The following DDX43 variants were observed in gnomAD, a reference collection of about 807,000 sequenced individuals.
The protein encoded by DDX43 is DEAD-box helicase 43.
A neutral mutation model predicts 84.9 loss-of-function variants in DDX43; 50 were observed. That is an observed-to-expected ratio of 0.59 (90% confidence interval 0.47 to 0.75). The LOEUF is 0.75. Ranked by LOEUF, DDX43 falls within the 30% of genes least tolerant of loss-of-function variation. The pLI is 0.00. For missense variants in DDX43, 689 were observed against 798.6 expected (o/e 0.86, Z 1.65); for synonymous variants, 291 against 266.3 (o/e 1.09, Z -0.90).
In DDX43 at chr6:73,394,975, T is replaced by C; in HGVS notation, c.70T>C (p.Ser24Pro). Residue 24 changes from serine (S) to proline (P), a missense_variant, in exon 1 of 17, where the codon TCC becomes CCC. Around this residue, in one of 2 missense-constraint regions of DDX43, gnomAD observed 137 missense variants for 105.9 expected, o/e 1.29. Transcript: ENST00000370336. ...VVASRRSSTV[S>P]RAPERRPAEE... ...TGCTAGTCGGCGAAGCTCGACAGTG[T>C]CCCGAGCGCCAGAGAGGAGGCCGGC... 1 of 1,614,230 alleles carries C rather than the reference T, an allele frequency of 6.2e-7. No homozygotes were observed.
chr6:73,403,633 C>G (rs961083127), intron 4 of DDX43, among the ~76,000 whole-genome samples: 2 of 152,062 alleles, frequency 1.3e-5, no homozygotes, highest in Admixed American at 6.6e-5. Context: ...TGATGTCTTA[C>G]AAAGCATGCT....
chr6:73,398,287 T>C (rs2150788267), intron 2 of DDX43, among the ~76,000 whole-genome samples: 1 of 152,284 alleles, frequency 6.6e-6, no homozygotes, highest in Admixed American at 6.5e-5. Context: ...AGTCTCACTC[T>C]GTCGCCCAGG....
intron 8 of DDX43, 128 bp downstream of exon 8, chr6:73,407,743 G>C (rs1769710457): frequency 3.7e-6 from 3 of 803,004 alleles, no homozygotes; most frequent in Admixed American, 5.0e-5. Context: ...CAGGCATTTA[G>C]CACTACTCTA....
rs2150803560 is a variant in DDX43 at position 73,415,536 on chromosome 6, T to C, written c.1785T>C (p.Asp595=). 2.5e-6 allele frequency: 4 copies of C among 1,613,596 alleles called. No homozygotes were observed. Among genetic ancestry groups the C allele is most frequent in the South Asian group, 2.2e-5 (2 of 91,052 alleles). The change falls in exon 15 of 17, where the codon GAT becomes GAC. Residue 595 remains aspartate, a synonymous_variant. Transcript: ENST00000370336. ...CCATTACAACTTTGACTAGAAATGA[T>C]TGGAGGGTTGCCTCTGAATTGATTA... ...GVSITTLTRN[D]WRVASELINI... is the part of the protein sequence containing the mutation.
intron 5 of DDX43, among the ~76,000 whole-genome samples, chr6:73,405,138 G>A (rs1212326991): frequency 2.0e-5 from 3 of 151,332 alleles, no homozygotes; most frequent in African/African-American, 4.9e-5. Flanking sequence ...ATCTAATCTT[G>A]TTAATTTCTT....
At chr6:73,401,767 A>G in intron 3 of DDX43, 92 bp from the exon 4 acceptor site, 1 of 1,246,052 alleles carries the variant, frequency 8.0e-7, no homozygotes, top group South Asian at 1.5e-5. Context: ...GCGCCACTGC[A>G]CTCCAGCCTG....
At chr6:73,414,511 C>T (rs763281000) in intron 13 of DDX43, 37 bp from the exon 14 acceptor site, 38 of 1,567,228 alleles carry the variant, frequency 2.4e-5, no homozygotes, top group Non-Finnish European at 3.1e-5. Context: ...TGGTTTATAC[C>T]AGAATGGTTC....
rs912993663 is a variant in DDX43 at position 73,397,745 on chromosome 6, G to T, written c.306+1G>T. On this transcript the variant is annotated splice_donor_variant, in intron 2 of 16. Transcript: ENST00000370336. LOFTEE classifies it high-confidence loss of function. Reference sequence around the variant, plus strand: ...AAGTACAACAAACACCACAATCCAAGTAAGCCATCTGTGTTTTTCGGCCCT... The same window carrying T: ...AAGTACAACAAACACCACAATCCAATTAAGCCATCTGTGTTTTTCGGCCCT... The T allele has an allele frequency of 6.2e-7, 1 of 1,613,498 alleles. No individual in the cohort carries two copies. The highest frequency in any genetic ancestry group is 1.3e-5 in the African/African-American group (1 of 74,886).
Position 73,394,976 on chromosome 6 carries a change from C to G in DDX43, c.71C>G (p.Ser24Cys), listed in dbSNP as rs1440659194. The G allele has an allele frequency of 1.9e-6, 3 of 1,614,146 alleles. No individual in the cohort carries two copies. In the African/African-American group the frequency reaches 4.0e-5, roughly 22 times the overall value. ...GCTAGTCGGCGAAGCTCGACAGTGT[C>G]CCGAGCGCCAGAGAGGAGGCCGGCG... ...VVASRRSSTV[S>C]RAPERRPAEE... Residue 24 changes from serine (S) to cysteine (C), a missense_variant, in exon 1 of 17, where the codon TCC becomes TGC. Around this residue, in one of 2 missense-constraint regions of DDX43, gnomAD observed 137 missense variants for 105.9 expected, o/e 1.29. Transcript: ENST00000370336.
chr6:73,403,423 T>C (rs1769614299), intron 4 of DDX43, among the ~76,000 whole-genome samples: 1 of 152,026 alleles, frequency 6.6e-6, no homozygotes, highest in Non-Finnish European at 1.5e-5. Context: ...TGAGCCGAGA[T>C]TGCATCATTG....
chr6:73,397,686 C>T lies in DDX43; in HGVS notation c.251-3C>T. 1.2e-6 allele frequency: 2 copies of T among 1,606,112 alleles called. No individual in the cohort carries two copies. Among genetic ancestry groups the T allele is most frequent in the Non-Finnish European group, 1.7e-6 (2 of 1,173,128 alleles). On this transcript the variant is annotated splice_region_variant and splice_polypyrimidine_tract_variant and intron_variant, in intron 1 of 16. Coordinates refer to ENST00000370336, the MANE Select transcript of DDX43 (RefSeq NM_018665.3). ...CAATATATTCCTTTATTTTTAAAAA[C>T]AGGTCGTGGTGGGTCAAAAATAAAG...
intron 2 of DDX43, among the ~76,000 whole-genome samples, chr6:73,399,487 C>T (rs1380808426): frequency 6.6e-6 from 1 of 152,150 alleles, no homozygotes; most frequent in Non-Finnish European, 1.5e-5. Flanking sequence ...AAGTCTAAGG[C>T]CCCCATTCTG....
At chr6:73,400,395 A>G in intron 3 of DDX43, 32 bp downstream of exon 3, 1 of 1,562,000 alleles carries the variant, frequency 6.4e-7, no homozygotes, top group Non-Finnish European at 8.6e-7. Context: ...AACCCCTTTA[A>G]AAGTTTTTAA....
chr6:73,407,501 A>G lies in DDX43; in HGVS notation c.927-4A>G, dbSNP rs1769706216. The G allele has an allele frequency of 6.3e-7, 1 of 1,590,496 alleles. No homozygotes were observed. The highest frequency in any genetic ancestry group is 8.6e-7 in the Non-Finnish European group (1 of 1,160,690). ...TTTAATATTAATCTGTTTTCTCTCCAAAGCCTTAAAGGTCAAAGGAATAGA... is the reference window on the plus strand; with the variant it reads ...TTTAATATTAATCTGTTTTCTCTCCGAAGCCTTAAAGGTCAAAGGAATAGA... On this transcript the variant is annotated splice_region_variant and splice_polypyrimidine_tract_variant and intron_variant, in intron 7 of 16. Transcript: ENST00000370336.
Position 73,397,591 on chromosome 6 carries a change from G to T in DDX43, c.251-98G>T, listed in dbSNP as rs566766780. The T allele has an allele frequency of 7.1e-4, 667 of 938,472 alleles. 11 individuals are homozygous for T. The South Asian group carries it at 9.1e-3, about 13-fold the overall frequency. 58.1% of individuals were successfully genotyped at this position (938,472 alleles called of 1,614,324 possible). Reference sequence around the variant, plus strand: ...GATTGTTGAACCCTAGGAGCATTTGGGGGGAAGAACTAGAGAATGTTTGTT... The same window carrying T: ...GATTGTTGAACCCTAGGAGCATTTGTGGGGAAGAACTAGAGAATGTTTGTT... On this transcript the variant is annotated intron_variant, in intron 1 of 16. Coordinates refer to ENST00000370336, the MANE Select transcript of DDX43 (RefSeq NM_018665.3).
intron 14 of DDX43, among the ~76,000 whole-genome samples, chr6:73,414,942 G>A (rs1203046943): frequency 6.6e-6 from 1 of 152,000 alleles, no homozygotes; most frequent in Admixed American, 6.6e-5. Context: ...TGTACCCAGT[G>A]GTTACTCTGA....
At chr6:73,409,447 G>A in intron 10 of DDX43, 99 bp downstream of exon 10, 2 of 974,732 alleles carry the variant, frequency 2.1e-6, no homozygotes, top group Non-Finnish European at 3.2e-6. Flanking sequence ...TTACTTGGAA[G>A]TGTTGAAATC....
At chr6:73,407,644 C>T in intron 8 of DDX43, 29 bp downstream of exon 8, 1 of 1,372,724 alleles carries the variant, frequency 7.3e-7, no homozygotes, top group Non-Finnish European at 1.0e-6. Context: ...CATTCCTTCA[C>T]CAGTATCATA....
At position 73,404,664 on chromosome 6, in the gene DDX43, AGT is replaced by A. The variant is rs757688327; in HGVS notation, c.569-22_569-21del. 80 of 1,547,330 alleles carry A rather than the reference AGT, an allele frequency of 5.2e-5. 2 individuals carry two copies. The African/African-American group carries it at 8.9e-4, about 17-fold the overall frequency. ...TTCATGATGCTGTAAAATTTATCAA[AGT>A]GTGGATTTTCGCCTTTGTCCCAGAT... On this transcript the variant is annotated intron_variant, in intron 4 of 16. Coordinates refer to ENST00000370336, the MANE Select transcript of DDX43 (RefSeq NM_018665.3).
Sources: gnomAD v4.1 joint callset for allele counts (sites outside exome capture counted in the v4.1 genomes callset) on GRCh38, gnomAD v4.1.1 for gene constraint, gnomAD v4.1.1 regional missense constraint, MANE v1.5 for transcripts, NCBI Gene and HGNC (gene_info 2026-07-23, HGNC 2026-07-21) for gene names.